Variants in MPDZ observed in about 807,000 individuals in gnomAD.
The protein encoded by MPDZ is multiple PDZ domain protein.
In MPDZ, 234 loss-of-function variants were observed where a neutral mutation model predicts 239.1. The observed-to-expected ratio is 0.98, with a 90% CI of 0.88 to 1.09. The LOEUF is 1.09. Ranked by LOEUF, MPDZ falls within the 50% of genes least tolerant of loss-of-function variation. MPDZ has a pLI of 0.00. For synonymous variants in MPDZ, 1,048 were observed against 881.3 expected (o/e 1.19, Z -3.35); for missense variants, 3,175 against 2,510.0 (o/e 1.26, Z -5.66).
intron 24 of MPDZ, among the ~76,000 whole-genome samples, chr9:13,151,141 A>AAC (rs113800698): frequency 0.016 from 2,457 of 150,566 alleles, 62 homozygotes; most frequent in African/African-American, 0.052. Flanking sequence ...ACCTACTAAA[A>AAC]ACACACACAC....
At chr9:13,126,436 T>C in intron 34 of MPDZ, 80 bp downstream of exon 34, 1 of 929,104 alleles carries the variant, frequency 1.1e-6, no homozygotes, top group Non-Finnish European at 1.7e-6. Flanking sequence ...ACCCTAATTC[T>C]CTATGATCGC....
intron 25 of MPDZ, among the ~76,000 whole-genome samples, chr9:13,147,904 C>T (rs7039646): frequency 0.46 from 69,406 of 151,754 alleles, 18,819 homozygotes; most frequent in African/African-American, 0.76. Context: ...GAAATGAAGG[C>T]TCTGCTTCTG....
At position 13,247,548 on chromosome 9, in the gene MPDZ, A is replaced by G. The variant is rs1030978095; in HGVS notation, c.183+87T>C. The stretch of plus-strand genomic sequence containing the variant: ...CTTCATTAACTATTCATTAACACAT[A>G]GAAAAATCAGCCTTTCAGAAAAACA... On this transcript the variant is annotated intron_variant, in intron 3 of 46. Transcript: ENST00000319217. 4.2e-6 allele frequency: 6 copies of G among 1,426,396 alleles called. No homozygotes were observed. The African/African-American group carries it at 4.2e-5, about 10-fold the overall frequency. The allele number at this position is 1,426,396 out of a possible 1,614,324, so 88.4% of individuals were successfully genotyped here.
At chr9:13,256,361 C>A (rs1256257772) in intron 1 of MPDZ, among the ~76,000 whole-genome samples, 2 of 152,324 alleles carry the variant, frequency 1.3e-5, no homozygotes, top group South Asian at 4.1e-4. Flanking sequence ...TTTAATCCTT[C>A]AAGACCTTTT....
rs1424897515 is a variant in MPDZ, at chr9:13,216,922, C to A, written c.1202-60G>T. 3 of 1,274,782 alleles carry A rather than the reference C, an allele frequency of 2.4e-6. No individual in the cohort carries two copies. The African/African-American group carries it at 4.4e-5, about 19-fold the overall frequency. The allele number at this position is 1,274,782 out of a possible 1,614,324, so 79.0% of individuals were successfully genotyped here. Reference sequence around the variant, plus strand: ...CAAAGCACATTCAAAGAATATCCATCTTCGATTCTCCAACTATAAAGCTCT... The same window carrying A: ...CAAAGCACATTCAAAGAATATCCATATTCGATTCTCCAACTATAAAGCTCT... On this transcript the variant is annotated intron_variant, in intron 9 of 46. Transcript: ENST00000319217.
intron 24 of MPDZ, among the ~76,000 whole-genome samples, chr9:13,155,676 C>G (rs1255822785): frequency 6.6e-6 from 1 of 152,122 alleles, no homozygotes; most frequent in Non-Finnish European, 1.5e-5. Context: ...TAAAAATTCT[C>G]TATTTTCATA....
Position 13,188,786 on chromosome 9 carries a change from G to T in MPDZ, c.2362C>A (p.Pro788Thr), listed in dbSNP as rs111794040. 708 of 1,611,998 alleles carry T rather than the reference G, an allele frequency of 4.4e-4. 10 individuals are homozygous for T. In the South Asian group the frequency reaches 7.4e-3, roughly 17 times the overall value. The change falls in exon 17 of 47, where the codon CCC becomes ACC. Residue 788 changes from proline (P) to threonine (T), a missense_variant and splice_region_variant. Transcript: ENST00000319217. ...TVRIGVAKPL[P>T]LSPEEGYVSA... is the part of the protein sequence containing the mutation. ...AGCAATAAAGTCTGAATTCTTACGG[G>T]TAAAGGCTTAGCAACTCCTATTCTC...
Position 13,150,688 on chromosome 9 carries a change from C to A in MPDZ, c.3453G>T (p.Arg1151=). 7.5e-7 allele frequency: 1 copy of A among 1,337,068 alleles called. No homozygotes were observed. The highest frequency in any genetic ancestry group is 9.7e-7 in the Non-Finnish European group (1 of 1,035,322). The allele number at this position is 1,337,068 out of a possible 1,614,324, so 82.8% of individuals were successfully genotyped here. A position where few individuals can be genotyped will look rare whatever the true frequency, so the allele number is the denominator to read the frequency against. Residue 1151 remains arginine (R), a splice_region_variant and synonymous_variant, in exon 25 of 47, where the codon CGG becomes CGT. Transcript: ENST00000319217. The part of the protein sequence containing the change: ...TAYSNWNQPR[R]VELWREPSKS... ...TGCTTGGTTCTCTCCAGAGTTCCACCCTAAAAAATAAATAAAATTTTCAAC... is the reference window on the plus strand; with the variant it reads ...TGCTTGGTTCTCTCCAGAGTTCCACACTAAAAAATAAATAAAATTTTCAAC...
chr9:13,125,347 G>C lies in MPDZ; in HGVS notation c.4676C>G (p.Thr1559Ser), dbSNP rs375939424. The C allele has an allele frequency of 1.2e-6, 2 of 1,613,804 alleles. No individual in the cohort carries two copies. The highest frequency in any genetic ancestry group is 2.2e-5 in the East Asian group (1 of 44,882). Reference sequence around the variant, plus strand: ...GGAATCTGGATTCTCAGCATGGATGGTAAGTTTTACTGTCATCTTTGCTGT... The same window carrying C: ...GGAATCTGGATTCTCAGCATGGATGCTAAGTTTTACTGTCATCTTTGCTGT... ...LKTAKMTVKL[T>S]IHAENPDSQA... is the part of the protein sequence containing the mutation. Residue 1559 changes from threonine (T) to serine (S), a missense_variant, in exon 35 of 47, where the codon ACC becomes AGC. By Grantham distance (58) the Thr-to-Ser change is moderately conservative. Transcript: ENST00000319217.
chr9:13,198,737 C>CTCTGTGTGTGTG lies in MPDZ; in HGVS notation c.1547-2508_1547-2507insCACACACACAGA, dbSNP rs755487892. On this transcript the variant is annotated intron_variant, in intron 12 of 46. Coordinates refer to ENST00000319217, the MANE Select transcript of MPDZ (RefSeq NM_001378778.1). The stretch of plus-strand genomic sequence containing the variant: ...ATATTTAGGTCTTTAATCTCTCTCT[C>CTCTGTGTGTGTG]TGTGTGTGTGTGTGTGTGTGTGTGT... Among the ~76,000 whole-genome samples, 89 of 69,792 alleles carry CTCTGTGTGTGTG rather than the reference C, an allele frequency of 1.3e-3. 1 individual carries two copies. The highest frequency in any genetic ancestry group is 8.8e-3 in the Middle Eastern group (1 of 114). 45.8% of individuals were successfully genotyped at this position (69,792 alleles called of 152,430 possible). A position where few individuals can be genotyped will look rare whatever the true frequency, so the allele number is the denominator to read the frequency against.
chr9:13,237,548 T>C (rs867268003), intron 3 of MPDZ, among the ~76,000 whole-genome samples: 1 of 151,828 alleles, frequency 6.6e-6, no homozygotes, highest in South Asian at 2.1e-4. Context: ...AGTTGCAAGC[T>C]GAACTAGCCT....
At chr9:13,166,750 G>C (rs1951131669) in intron 22 of MPDZ, among the ~76,000 whole-genome samples, 1 of 151,994 alleles carries the variant, frequency 6.6e-6, no homozygotes, top group African/African-American at 2.4e-5. Flanking sequence ...ACATGATAGG[G>C]TAAATTCTGC....
intron 3 of MPDZ, among the ~76,000 whole-genome samples, chr9:13,240,580 TAAAAAAAAAAA>T (rs71331533): frequency 8.0e-4 from 35 of 44,012 alleles, no homozygotes; most frequent in South Asian, 1.7e-3. Flanking sequence ...ATAATAAAAG[TAAAAAAAAAAA>T]AAAAAAAAAA....
chr9:13,209,290 A>T (rs1587812613), intron 10 of MPDZ, among the ~76,000 whole-genome samples: 1 of 152,148 alleles, frequency 6.6e-6, no homozygotes, highest in South Asian at 2.1e-4. Flanking sequence ...GTGTGCATAC[A>T]AGCACACACA....
At chr9:13,107,449 T>C (rs189128537) in intron 46 of MPDZ, among the ~76,000 whole-genome samples, 429 of 152,240 alleles carry the variant, frequency 2.8e-3, no homozygotes, top group Non-Finnish European at 4.9e-3. Context: ...TTCAATAGAA[T>C]CCAGGATTTT....
chr9:13,154,870 T>C (rs915547605), intron 24 of MPDZ, among the ~76,000 whole-genome samples: 1 of 152,052 alleles, frequency 6.6e-6, no homozygotes, highest in Non-Finnish European at 1.5e-5. Flanking sequence ...TCATATGATG[T>C]GGTAACAAGA....
At chr9:13,238,847 G>A (rs1964710285) in intron 3 of MPDZ, among the ~76,000 whole-genome samples, 1 of 151,968 alleles carries the variant, frequency 6.6e-6, no homozygotes, top group Non-Finnish European at 1.5e-5. Flanking sequence ...CTATTAAGCT[G>A]CACATTAAAT....
At chr9:13,138,668 T>C (rs1039160791) in intron 28 of MPDZ, among the ~76,000 whole-genome samples, 10 of 152,206 alleles carry the variant, frequency 6.6e-5, no homozygotes, top group African/African-American at 2.4e-4. Flanking sequence ...ACTTGATATA[T>C]GTAACCCAGT....
intron 3 of MPDZ, 75 bp downstream of exon 3, chr9:13,247,560 C>T: frequency 1.3e-6 from 2 of 1,499,578 alleles, no homozygotes; most frequent in Non-Finnish European, 1.8e-6. Context: ...AAAAATCAGC[C>T]TTTCAGAAAA....
Sources: gnomAD v4.1 joint callset for allele counts (sites outside exome capture counted in the v4.1 genomes callset) on GRCh38, gnomAD v4.1.1 for gene constraint, MANE v1.5 for transcripts, NCBI Gene and HGNC (gene_info 2026-07-23, HGNC 2026-07-21) for gene names.